The following FGF14 variants were observed in gnomAD, a reference collection of about 807,000 sequenced individuals.
FGF14 encodes fibroblast growth factor 14, also known as fibroblast growth factor homologous factor 4.
Under a neutral mutation model 25.5 loss-of-function variants are expected in FGF14, and 5 were observed. The observed-to-expected ratio is 0.20, with a 90% CI of 0.10 to 0.41. The LOEUF is 0.41. Ranked by LOEUF, FGF14 falls within the 10% of genes least tolerant of loss-of-function variation. The pLI, the probability that FGF14 is intolerant of heterozygous loss-of-function variation, is 1.00. For synonymous variants in FGF14, 138 were observed against 118.3 expected (o/e 1.17, Z -1.08); for missense variants, 222 against 320.1 (o/e 0.69, Z 2.34).
In FGF14 at chr13:102,285,464, C is replaced by G. The variant is rs998483381; in HGVS notation, c.208+116007G>C. Among the ~76,000 whole-genome samples the G allele has an allele frequency of 2.0e-5, 3 of 152,146 alleles. No homozygotes were observed. In the East Asian group the frequency reaches 5.8e-4, roughly 29 times the overall value. ...AGTTAAGACTTATATCAACAATAAA[C>G]TCGGTTCTTCAATAACCTGGAAGGT... On this transcript the variant is annotated intron_variant, in intron 1 of 4. Coordinates refer to the FGF14 transcript ENST00000376131.
In FGF14 at chr13:101,903,556, C is replaced by G. The variant is rs182395497; in HGVS notation, c.193+12897G>C. Among the ~76,000 whole-genome samples, 40 of 151,816 alleles carry G rather than the reference C, an allele frequency of 2.6e-4. 1 individual carries two copies. In the East Asian group the frequency reaches 7.5e-3, roughly 29 times the overall value. On this transcript the variant is annotated intron_variant, in intron 1 of 4. Transcript: ENST00000376143. ...CTTGGGTAGGCTTTTTTTTTCCTGTCTCTATATTCAAATCTGTGAATACAG... is the reference window on the plus strand; with the variant it reads ...CTTGGGTAGGCTTTTTTTTTCCTGTGTCTATATTCAAATCTGTGAATACAG...
At chr13:102,373,066 C>A (rs975830342) in intron 1 of FGF14, among the ~76,000 whole-genome samples, 16 of 152,154 alleles carry the variant, frequency 1.1e-4, no homozygotes, top group African/African-American at 3.9e-4. Context: ...CTTTTCGTAC[C>A]CAGGTCCTAC....
chr13:102,185,660 T>G (rs114237873), intron 1 of FGF14, among the ~76,000 whole-genome samples: 115 of 152,294 alleles, frequency 7.6e-4, no homozygotes, highest in African/African-American at 2.7e-3. Flanking sequence ...GGAAATTAGT[T>G]TAAATTTAAT....
intron 1 of FGF14, among the ~76,000 whole-genome samples, chr13:102,048,169 T>C (rs971748527): frequency 3.9e-5 from 6 of 152,174 alleles, no homozygotes; most frequent in African/African-American, 1.4e-4. Context: ...GTTCAAGCTG[T>C]TTAATGATGT....
intron 1 of FGF14, among the ~76,000 whole-genome samples, chr13:102,389,692 T>C (rs965527021): frequency 4.6e-5 from 7 of 152,254 alleles, no homozygotes; most frequent in East Asian, 1.9e-4. Context: ...CCTTAAAAGA[T>C]TGGGAATTTC....
At chr13:101,920,406 A>T (rs549892428), upstream of FGF14, among the ~76,000 whole-genome samples, 1 of 152,242 alleles carries the variant, frequency 6.6e-6, no homozygotes, top group African/African-American at 2.4e-5. Context: ...AATGACCTCC[A>T]AGGTGTTGCT....
intron 1 of FGF14, among the ~76,000 whole-genome samples, chr13:102,011,222 T>C (rs1566568230): frequency 1.3e-5 from 2 of 152,204 alleles, no homozygotes; most frequent in African/African-American, 2.4e-5. Context: ...AAACACTATA[T>C]GGAGAAAAGT....
chr13:102,350,268 C>G (rs1266083415), intron 1 of FGF14, among the ~76,000 whole-genome samples: 1 of 152,054 alleles, frequency 6.6e-6, no homozygotes, highest in African/African-American at 2.4e-5. Context: ...ACTCAGGATG[C>G]TGAGGCAGGA....
chr13:101,771,840 G>A lies in FGF14; in HGVS notation c.409-45030C>T, dbSNP rs570126915. On this transcript the variant is annotated intron_variant, in intron 3 of 4. Transcript: ENST00000376143. ...AAAAATATACATACTTTAAAGGAGA[G>A]GGATTAAAATTTTTCTCTTAAATTT... is the stretch of plus-strand genomic sequence containing the variant. Among the ~76,000 whole-genome samples, 14 of 151,960 alleles carry A rather than the reference G, an allele frequency of 9.2e-5. No homozygotes were observed. In the East Asian group the frequency reaches 2.3e-3, roughly 25 times the overall value.
intron 1 of FGF14, among the ~76,000 whole-genome samples, chr13:102,141,731 T>C (rs2046651116): frequency 6.6e-6 from 1 of 152,192 alleles, no homozygotes; most frequent in African/African-American, 2.4e-5. Context: ...ATTTAGTTAT[T>C]TGGATGCTGA....
At chr13:101,791,134 C>A (rs549774921) in intron 3 of FGF14, among the ~76,000 whole-genome samples, 116 of 152,282 alleles carry the variant, frequency 7.6e-4, no homozygotes, top group South Asian at 2.3e-3. Flanking sequence ...CCCTTTACAG[C>A]TGGGTGGCCT....
chr13:102,060,079 T>A (rs762626569), intron 1 of FGF14, among the ~76,000 whole-genome samples: 2 of 152,018 alleles, frequency 1.3e-5, no homozygotes, highest in Non-Finnish European at 1.5e-5. Flanking sequence ...TCAAAGGAAA[T>A]GCTGATTGGA....
At chr13:101,920,160 A>C (rs979954266), upstream of FGF14, among the ~76,000 whole-genome samples, 5 of 152,226 alleles carry the variant, frequency 3.3e-5, no homozygotes, top group Admixed American at 1.3e-4. Flanking sequence ...GTGCAAAGCT[A>C]GGGTGAAAAC....
intron 1 of FGF14, among the ~76,000 whole-genome samples, chr13:102,264,281 CT>C (rs1161330663): frequency 2.0e-5 from 3 of 152,158 alleles, no homozygotes; most frequent in Non-Finnish European, 4.4e-5. Flanking sequence ...GTGCTGAACA[CT>C]GACACCAACG....
intron 1 of FGF14, among the ~76,000 whole-genome samples, chr13:102,244,613 C>A (rs898925154): frequency 6.6e-6 from 1 of 151,968 alleles, no homozygotes; most frequent in Admixed American, 6.6e-5. Context: ...CATGTCATTG[C>A]ATACAATGAG....
intron 1 of FGF14, among the ~76,000 whole-genome samples, chr13:101,983,461 G>A (rs1396384045): frequency 6.6e-6 from 1 of 152,104 alleles, no homozygotes; most frequent in Non-Finnish European, 1.5e-5. Flanking sequence ...AAGTAAATAA[G>A]ATCCTTGTTA....
At position 102,247,385 on chromosome 13, in the gene FGF14, GA is replaced by G. The variant is rs1007290840; in HGVS notation, c.208+154085del. Among the ~76,000 whole-genome samples the G allele has an allele frequency of 6.0e-5, 9 of 149,820 alleles. No individual in the cohort carries two copies. In the South Asian group the frequency reaches 1.1e-3, roughly 18 times the overall value. On this transcript the variant is annotated intron_variant, in intron 1 of 4. Coordinates refer to the FGF14 transcript ENST00000376131. The stretch of plus-strand genomic sequence containing the variant: ...ATAAAGAACTTAAAGAAATTTACAA[GA>G]AAAAAAAATCAAACAACCCCATTAA...
intron 1 of FGF14, among the ~76,000 whole-genome samples, chr13:102,251,237 C>A (rs1033799281): frequency 1.3e-5 from 2 of 152,076 alleles, no homozygotes; most frequent in Non-Finnish European, 2.9e-5. Context: ...GTACAAGGTT[C>A]CCTCCTGGCT....
chr13:102,259,252 C>G (rs1233902197), intron 1 of FGF14, among the ~76,000 whole-genome samples: 1 of 152,218 alleles, frequency 6.6e-6, no homozygotes, highest in Admixed American at 6.5e-5. Context: ...ACTCATCAAC[C>G]CAGCTGCCCT....
Sources: gnomAD v4.1 joint callset for allele counts (sites outside exome capture counted in the v4.1 genomes callset) on GRCh38, gnomAD v4.1.1 for gene constraint, MANE v1.5 for transcripts, NCBI Gene and HGNC (gene_info 2026-07-23, HGNC 2026-07-21) for gene names.